The following TTC28 variants were observed in gnomAD, a reference collection of about 807,000 sequenced individuals.
The protein encoded by TTC28 is tetratricopeptide repeat protein 28.
TTC28 carries 61 observed loss-of-function variants against 198.0 expected under a neutral mutation model. That is an observed-to-expected ratio of 0.31 (90% CI 0.25 to 0.38). The LOEUF (loss-of-function observed/expected upper bound fraction) is 0.38. Ranked by LOEUF, TTC28 falls within the 10% of genes least tolerant of loss-of-function variation. The probability of loss-of-function intolerance (pLI) is 1.00; values close to 1 mark genes in which losing one functional copy is unlikely to be tolerated. For synonymous variants in TTC28, 1,171 were observed against 1,297.8 expected (o/e 0.90, Z 2.10); for missense variants, 2,678 against 3,164.0 (o/e 0.85, Z 3.69).
At chr22:28,152,431 GGGGCATGTTCTCTTGTGGAAA>G (rs1943632490) in intron 6 of TTC28, among the ~76,000 whole-genome samples, 3 of 152,090 alleles carry the variant, frequency 2.0e-5, no homozygotes, top group African/African-American at 7.2e-5. Flanking sequence ...GATCCACAAT[GGGGCATGTTCTCTTGTGGAAA>G]GATCTGTGGA....
intron 2 of TTC28, among the ~76,000 whole-genome samples, chr22:28,615,079 A>G (rs933750077): frequency 6.6e-6 from 1 of 152,214 alleles, no homozygotes; most frequent in African/African-American, 2.4e-5. Flanking sequence ...CAGAATCTGC[A>G]AAGAACTTAA....
intron 5 of TTC28, among the ~76,000 whole-genome samples, chr22:28,179,774 T>C (rs987854303): frequency 3.3e-5 from 5 of 152,176 alleles, no homozygotes; most frequent in African/African-American, 9.6e-5. Context: ...TACTAAAATA[T>C]TGAGATTGTT....
chr22:28,648,290 G>A (rs2051508072), intron 1 of TTC28, among the ~76,000 whole-genome samples: 1 of 148,454 alleles, frequency 6.7e-6, no homozygotes, highest in Non-Finnish European at 1.5e-5. Context: ...AAACCACAAT[G>A]AGACACCACT....
intron 2 of TTC28, among the ~76,000 whole-genome samples, chr22:28,435,275 A>C (rs967968277): frequency 7.2e-5 from 11 of 152,218 alleles, no homozygotes; most frequent in African/African-American, 2.7e-4. Flanking sequence ...AAATGTGCTG[A>C]AAAGGGAATA....
At chr22:28,420,212 G>A (rs1176023951) in intron 2 of TTC28, among the ~76,000 whole-genome samples, 2 of 152,062 alleles carry the variant, frequency 1.3e-5, no homozygotes, top group Non-Finnish European at 1.5e-5. Flanking sequence ...TAATAAACAC[G>A]CCTATTTCTC....
chr22:28,438,524 G>A (rs922745205), intron 2 of TTC28, among the ~76,000 whole-genome samples: 2 of 152,052 alleles, frequency 1.3e-5, no homozygotes, highest in Non-Finnish European at 2.9e-5. Context: ...AGCTTATGTC[G>A]ACATATTCCT....
chr22:28,657,953 G>T (rs939344794), intron 1 of TTC28, among the ~76,000 whole-genome samples: 2 of 152,026 alleles, frequency 1.3e-5, no homozygotes, highest in African/African-American at 4.8e-5. Flanking sequence ...AATGGTCCAT[G>T]TTCCTTAATA....
intron 16 of TTC28, 134 bp from the exon 17 acceptor site, chr22:27,996,393 G>A: frequency 7.5e-7 from 1 of 1,333,886 alleles, no homozygotes; most frequent in Admixed American, 2.5e-5. Flanking sequence ...GCAGCTCACA[G>A]GCTGGCCTGG....
intron 2 of TTC28, among the ~76,000 whole-genome samples, chr22:28,337,246 T>A (rs1022227264): frequency 1.4e-4 from 22 of 152,254 alleles, no homozygotes; most frequent in African/African-American, 5.1e-4. Context: ...TGCTGAGGAG[T>A]GCTTTACTGC....
At chr22:28,556,812 C>T (rs1447316402) in intron 2 of TTC28, among the ~76,000 whole-genome samples, 1 of 152,208 alleles carries the variant, frequency 6.6e-6, no homozygotes, top group East Asian at 1.9e-4. Context: ...AGGTAGCTCA[C>T]TCATGCCTCA....
intron 13 of TTC28, 145 bp downstream of exon 13, chr22:28,030,081 T>C (rs1939010536): frequency 8.4e-7 from 1 of 1,193,414 alleles, no homozygotes; most frequent in South Asian, 1.6e-5. Context: ...GGCATGGGGC[T>C]GTGAAAGCAT....
At chr22:28,054,623 T>C (rs1940204507) in intron 12 of TTC28, among the ~76,000 whole-genome samples, 1 of 152,082 alleles carries the variant, frequency 6.6e-6, no homozygotes, top group Non-Finnish European at 1.5e-5. Flanking sequence ...ATAATCCTGA[T>C]ACACAGCCAA....
chr22:28,060,454 C>G (rs1940478793), intron 12 of TTC28, among the ~76,000 whole-genome samples: 1 of 152,188 alleles, frequency 6.6e-6, no homozygotes, highest in African/African-American at 2.4e-5. Context: ...GCATAGTATT[C>G]CATGGTGTAT....
chr22:28,631,650 A>G (rs1458905873), intron 1 of TTC28, among the ~76,000 whole-genome samples: 1 of 151,858 alleles, frequency 6.6e-6, no homozygotes, highest in Non-Finnish European at 1.5e-5. Flanking sequence ...TCAGCCTCCC[A>G]AGTTGCTGGA....
intron 11 of TTC28, among the ~76,000 whole-genome samples, chr22:28,095,273 A>G (rs1042328427): frequency 6.6e-6 from 1 of 152,232 alleles, no homozygotes; most frequent in Admixed American, 6.5e-5. Context: ...CATGGAACTA[A>G]AGGGAAAAAA....
intron 2 of TTC28, among the ~76,000 whole-genome samples, chr22:28,568,832 G>T: frequency 6.6e-6 from 1 of 152,072 alleles, no homozygotes; most frequent in Non-Finnish European, 1.5e-5. Context: ...CTTTTTCACA[G>T]AATTAGAAAA....
At chr22:28,502,320 C>T (rs528537544) in intron 2 of TTC28, among the ~76,000 whole-genome samples, 1 of 152,040 alleles carries the variant, frequency 6.6e-6, no homozygotes, top group African/African-American at 2.4e-5. Flanking sequence ...CAGTAGGAAT[C>T]GTGCAGGATC....
At position 28,345,410 on chromosome 22, in the gene TTC28, G is replaced by A. The variant is rs2045889828; in HGVS notation, c.382-38767C>T. The stretch of plus-strand genomic sequence containing the variant: ...TGGGACTATTGAATCCTCAAGTCCG[G>A]AACCATCTCCTTTCCAAGCCCTCCT... On this transcript the variant is annotated intron_variant, in intron 2 of 22. Coordinates refer to ENST00000397906, the MANE Select transcript of TTC28 (RefSeq NM_001145418.2). Among the ~76,000 whole-genome samples, 3 of 152,094 alleles carry A rather than the reference G, an allele frequency of 2.0e-5. No individual in the cohort carries two copies. In the South Asian group the frequency reaches 6.2e-4, roughly 32 times the overall value.
chr22:28,522,541 T>C (rs1379610126), intron 2 of TTC28, among the ~76,000 whole-genome samples: 2 of 146,754 alleles, frequency 1.4e-5, no homozygotes, highest in Non-Finnish European at 3.0e-5. Flanking sequence ...AGACTGAAAA[T>C]TGCAGTAGAG....
Sources: allele counts gnomAD v4.1 joint callset (sites outside exome capture counted in the v4.1 genomes callset), GRCh38; gene constraint gnomAD v4.1.1; transcripts MANE v1.5; gene names NCBI Gene and HGNC (gene_info 2026-07-23, HGNC 2026-07-21).